Variants in MPDZ observed in about 807,000 individuals in gnomAD.
MPDZ encodes the protein multiple PDZ domain crumbs cell polarity complex component.
A neutral mutation model predicts 239.1 loss-of-function variants in MPDZ; 234 were observed. The observed-to-expected ratio is 0.98, with a 90% CI of 0.88 to 1.09. MPDZ has a LOEUF of 1.09. MPDZ is among the 50% of genes least tolerant of loss of function. The probability of loss-of-function intolerance (pLI) is 0.00; values close to 1 mark genes in which losing one functional copy is unlikely to be tolerated. For missense variants in MPDZ, 3,175 were observed against 2,510.0 expected (o/e 1.26, Z -5.66); for synonymous variants, 1,048 against 881.3 (o/e 1.19, Z -3.35).
At chr9:13,228,483 A>T (rs1433990346) in intron 3 of MPDZ, among the ~76,000 whole-genome samples, 2 of 152,176 alleles carry the variant, frequency 1.3e-5, no homozygotes, top group Non-Finnish European at 2.9e-5. Flanking sequence ...AAGGTCAAGT[A>T]AAGCAGAAAA....
At chr9:13,260,912 A>T (rs1487130009) in intron 1 of MPDZ, among the ~76,000 whole-genome samples, 1 of 152,194 alleles carries the variant, frequency 6.6e-6, no homozygotes, top group East Asian at 1.9e-4. Context: ...ACAGAATTCA[A>T]CCATTCCGCA....
chr9:13,235,033 T>C (rs1963571604), intron 3 of MPDZ, among the ~76,000 whole-genome samples: 1 of 152,128 alleles, frequency 6.6e-6, no homozygotes, highest in African/African-American at 2.4e-5. Context: ...TAGGACTCCA[T>C]TGCAAGTTTG....
intron 3 of MPDZ, among the ~76,000 whole-genome samples, chr9:13,236,697 A>G (rs1964131651): frequency 6.6e-6 from 1 of 152,108 alleles, no homozygotes; most frequent in Non-Finnish European, 1.5e-5. Flanking sequence ...CCCAAATTTC[A>G]TAAAATATTT....
chr9:13,132,926 C>G (rs1322154491), intron 32 of MPDZ, among the ~76,000 whole-genome samples: 1 of 152,188 alleles, frequency 6.6e-6, no homozygotes, highest in East Asian at 1.9e-4. Flanking sequence ...CAGACATTTC[C>G]TGGGCAGTCA....
At chr9:13,201,448 ATGG>A (rs1956381088) in intron 12 of MPDZ, among the ~76,000 whole-genome samples, 1 of 151,342 alleles carries the variant, frequency 6.6e-6, no homozygotes, top group African/African-American at 2.4e-5. Flanking sequence ...CTGTAGCTGG[ATGG>A]TGTTGTCTTT....
At chr9:13,235,479 A>T (rs1963700927) in intron 3 of MPDZ, among the ~76,000 whole-genome samples, 1 of 152,180 alleles carries the variant, frequency 6.6e-6, no homozygotes, top group South Asian at 2.1e-4. Flanking sequence ...CTAATGTGTT[A>T]AATATCCTAT....
Position 13,121,767 on chromosome 9 carries a change from CT to C in MPDZ, c.5202del (p.Gly1735AlafsTer2). 6.2e-7 allele frequency: 1 copy of C among 1,613,980 alleles called. No individual in the cohort carries two copies. The highest frequency in any genetic ancestry group is 8.5e-7 in the Non-Finnish European group (1 of 1,179,880). On this transcript the variant is annotated frameshift_variant, in exon 38 of 47. Coordinates refer to ENST00000319217, the MANE Select transcript of MPDZ (RefSeq NM_001378778.1). LOFTEE classifies it high-confidence loss of function. ...TTACCAACAATACTTAATCCTAGGC[CT>C]TTTCCCGGCTTCTTCTGCAGCTCAA... is the stretch of plus-strand genomic sequence containing the variant. ...LTIELQKKPGKGLGLSIVGKR... is the reference protein window; with the variant it reads ...LTIELQKKPGXGLGLSIVGKR...
chr9:13,194,596 G>T (rs532130807), intron 13 of MPDZ, among the ~76,000 whole-genome samples: 1 of 152,194 alleles, frequency 6.6e-6, no homozygotes. Context: ...CCTAATGCAT[G>T]CAGGCCTTAA....
intron 32 of MPDZ, among the ~76,000 whole-genome samples, chr9:13,131,852 T>G (rs911591280): frequency 6.6e-6 from 1 of 152,182 alleles, no homozygotes; most frequent in Non-Finnish European, 1.5e-5. Flanking sequence ...GAGGTTGCTT[T>G]GCATATACCT....
intron 3 of MPDZ, among the ~76,000 whole-genome samples, chr9:13,241,821 G>C (rs143373072): frequency 2.0e-5 from 3 of 152,076 alleles, no homozygotes; most frequent in African/African-American, 7.2e-5. Context: ...TGAACTCTTC[G>C]CAGTCGTACA....
chr9:13,137,659 C>T (rs745586126), intron 29 of MPDZ, among the ~76,000 whole-genome samples: 5 of 152,104 alleles, frequency 3.3e-5, no homozygotes, highest in African/African-American at 4.8e-5. Flanking sequence ...TCAAAAACTC[C>T]TAATAAAAAT....
chr9:13,171,322 A>T (rs1490153926), intron 21 of MPDZ, among the ~76,000 whole-genome samples: 1 of 152,192 alleles, frequency 6.6e-6, no homozygotes, highest in Non-Finnish European at 1.5e-5. Context: ...TTCAGCTTCA[A>T]AATGAAGCCT....
chr9:13,225,274 G>C (rs1416569743), intron 3 of MPDZ, among the ~76,000 whole-genome samples: 1 of 151,984 alleles, frequency 6.6e-6, no homozygotes, highest in African/African-American at 2.4e-5. Context: ...GGAAGTTTTT[G>C]TAAATTTACT....
intron 15 of MPDZ, 23 bp from the exon 16 acceptor site, chr9:13,190,322 T>C: frequency 6.7e-7 from 1 of 1,490,988 alleles, no homozygotes; most frequent in Non-Finnish European, 8.9e-7. Flanking sequence ...AGACAGCTCT[T>C]ATTTCAGAGG....
chr9:13,231,443 C>A (rs1962427362), intron 3 of MPDZ, among the ~76,000 whole-genome samples: 2 of 151,882 alleles, frequency 1.3e-5, no homozygotes, highest in South Asian at 4.2e-4. Flanking sequence ...TGTACGCACC[C>A]ATAATCTCAG....
chr9:13,240,580 T>TAAAAAAA (rs71331533), intron 3 of MPDZ, among the ~76,000 whole-genome samples: 10 of 44,014 alleles, frequency 2.3e-4, no homozygotes, highest in Admixed American at 7.0e-4. Context: ...ATAATAAAAG[T>TAAAAAAA]AAAAAAAAAA....
At position 13,225,841 on chromosome 9, in the gene MPDZ, G is replaced by C. The variant is rs550010194; in HGVS notation, c.184-1258C>G. Among the ~76,000 whole-genome samples the C allele has an allele frequency of 1.0e-3, 159 of 152,096 alleles. 1 individual carries two copies. The highest frequency in any genetic ancestry group is 3.7e-3 in the African/African-American group (152 of 41,514). The stretch of plus-strand genomic sequence containing the variant: ...ATTGTCACACATCGATTCTGGGAGA[G>C]TTATACTTTCCCAGCAAAATGGAAG... On this transcript the variant is annotated intron_variant, in intron 3 of 46. Transcript: ENST00000319217.
At chr9:13,176,468 T>C (rs763497849) in intron 19 of MPDZ, 51 bp from the exon 20 acceptor site, 2 of 1,371,416 alleles carry the variant, frequency 1.5e-6, no homozygotes, top group Non-Finnish European at 1.9e-6. Context: ...TGACCAGAAT[T>C]ACATCAATAT....
chr9:13,236,195 ATATGTG>A (rs1554715959), intron 3 of MPDZ, among the ~76,000 whole-genome samples: 2 of 47,196 alleles, frequency 4.2e-5, no homozygotes, highest in African/African-American at 1.3e-4. Flanking sequence ...GTTTCTGTAT[ATATGTG>A]TGTGTGTGTG....
Sources: gnomAD v4.1 joint callset for allele counts (sites outside exome capture counted in the v4.1 genomes callset) on GRCh38, gnomAD v4.1.1 for gene constraint, MANE v1.5 for transcripts, NCBI Gene and HGNC (gene_info 2026-07-23, HGNC 2026-07-21) for gene names.